The following CLEC3A variants were observed in gnomAD, a reference collection of about 807,000 sequenced individuals.
The protein encoded by CLEC3A is C-type (calcium dependent, carbohydrate-recognition domain) lectin, superfamily member 1 (cartilage-derived).
A neutral mutation model predicts 20.4 loss-of-function variants in CLEC3A; 28 were observed. The observed-to-expected ratio is 1.37, with a 90% CI of 1.02 to 1.88. The LOEUF (loss-of-function observed/expected upper bound fraction) is 1.88, where lower values mean the gene tolerates loss of function less well. Ranked by LOEUF, CLEC3A falls within the 40% of genes most tolerant of loss-of-function variation. The pLI, the probability that CLEC3A is intolerant of heterozygous loss-of-function variation, is 0.00. For missense variants in CLEC3A, 357 were observed against 240.4 expected, an observed-to-expected ratio of 1.48 and a Z score of -3.21; for synonymous variants, 110 against 88.1, an observed-to-expected ratio of 1.25 and a Z score of -1.39.
intron 1 of CLEC3A, 107 bp downstream of exon 1, chr16:78,022,848 C>A: frequency 8.6e-7 from 1 of 1,160,794 alleles, no homozygotes; most frequent in Non-Finnish European, 1.2e-6. Context: ...TCGGTGATGG[C>A]ACCATGCCAT....
chr16:78,028,521 GC>G (rs1359043071), intron 2 of CLEC3A, among the ~76,000 whole-genome samples: 1 of 152,210 alleles, frequency 6.6e-6, no homozygotes, highest in African/African-American at 2.4e-5. Flanking sequence ...ATAGCTAAGT[GC>G]CTATCAGGCC....
Position 78,031,000 on chromosome 16 carries a change from AT to A in CLEC3A, c.*162del, listed in dbSNP as rs1281853459. Reference sequence around the variant, plus strand: ...TAGCATCAGCCAATTTTGCTAACACATTTCTTTGGGATTTTGCCCTTCCTGG... The same window carrying A: ...TAGCATCAGCCAATTTTGCTAACACATTCTTTGGGATTTTGCCCTTCCTGG... On this transcript the variant is annotated 3_prime_UTR_variant, in exon 3 of 3. Transcript: ENST00000299642. 3 of 789,696 alleles carry A rather than the reference AT, an allele frequency of 3.8e-6. No homozygotes were observed. The highest frequency in any genetic ancestry group is 5.8e-6 in the Non-Finnish European group (3 of 518,826). The allele number at this position is 789,696 out of a possible 1,614,324, so 48.9% of individuals were successfully genotyped here.
In CLEC3A at chr16:78,030,575, G is replaced by A. The variant is rs202038528; in HGVS notation, c.328G>A (p.Glu110Lys). The A allele has an allele frequency of 7.4e-6, 12 of 1,614,118 alleles. No homozygotes were observed. In the Admixed American group the frequency reaches 8.3e-5, roughly 11 times the overall value. The change falls in exon 3 of 3, where the codon GAA (glutamate) becomes AAA (lysine). Residue 110 changes from glutamate (E) to lysine (K), a missense_variant. Transcript: ENST00000299642. Reference sequence around the variant, plus strand: ...CCTGGTTATCCCCAGGAACTCCGACGAAATCAACGCCCTCCAAGACTATGG... The same window carrying A: ...CCTGGTTATCCCCAGGAACTCCGACAAAATCAACGCCCTCCAAGACTATGG... ...GILVIPRNSD[E>K]INALQDYGKR... is the part of the protein sequence containing the mutation.
At position 78,030,637 on chromosome 16, in the gene CLEC3A, G is replaced by A; in HGVS notation, c.390G>A (p.Leu130=). Residue 130 remains leucine, a synonymous_variant, in exon 3 of 3, where the codon CTG becomes CTA. Transcript: ENST00000299642. ...TGCCAGGTGTCAATGACTTTTGGCT[G>A]GGCATCAATGACATGGTCACGGAAG... ...RSLPGVNDFW[L]GINDMVTEGK... The A allele has an allele frequency of 6.2e-7, 1 of 1,614,060 alleles. No homozygotes were observed. Among genetic ancestry groups the A allele is most frequent in the Non-Finnish European group, 8.5e-7 (1 of 1,180,012 alleles).
At chr16:78,028,785 G>C (rs959389816) in intron 2 of CLEC3A, among the ~76,000 whole-genome samples, 1 of 152,182 alleles carries the variant, frequency 6.6e-6, no homozygotes, top group Non-Finnish European at 1.5e-5. Flanking sequence ...AAGGTGTTGA[G>C]GTTCCTCACA....
rs2029984214 is a variant in CLEC3A at position 78,028,251 on chromosome 16, T to G, written c.199+61T>G. The stretch of plus-strand genomic sequence containing the variant: ...GGAGACAGGAAAATTTCTGGGTCAA[T>G]TTCTGGGGGACGTCTTTTTAAAAGA... On this transcript the variant is annotated intron_variant, in intron 2 of 2. Coordinates refer to ENST00000299642, the MANE Select transcript of CLEC3A (RefSeq NM_005752.6). The G allele has an allele frequency of 7.3e-6, 9 of 1,236,830 alleles. No homozygotes were observed. In the South Asian group the frequency reaches 1.3e-4, roughly 18 times the overall value. 76.6% of individuals were successfully genotyped at this position (1,236,830 alleles called of 1,614,324 possible).
chr16:78,024,009 G>A (rs530567488), intron 1 of CLEC3A, among the ~76,000 whole-genome samples: 6 of 152,048 alleles, frequency 3.9e-5, no homozygotes, highest in East Asian at 1.9e-4. Context: ...CGTCAGCCTC[G>A]GCCTCCCAAA....
At chr16:78,027,138 A>G (rs2029947783) in intron 1 of CLEC3A, among the ~76,000 whole-genome samples, 2 of 152,220 alleles carry the variant, frequency 1.3e-5, no homozygotes, top group Admixed American at 1.3e-4. Context: ...TCACTAGACA[A>G]TATTATGAAC....
chr16:78,025,173 T>C (rs1036110295), intron 1 of CLEC3A, among the ~76,000 whole-genome samples: 1 of 152,262 alleles, frequency 6.6e-6, no homozygotes, highest in African/African-American at 2.4e-5. Context: ...GAATTGGCTA[T>C]GCAGAATGTT....
At position 78,030,705 on chromosome 16, in the gene CLEC3A, A is replaced by C. The variant is rs1457310091; in HGVS notation, c.458A>C (p.Asn153Thr). Residue 153 changes from asparagine to threonine, a missense_variant, in exon 3 of 3, where the codon AAC (asparagine) becomes ACC (threonine). By Grantham distance (65) the Asn-to-Thr change is moderately conservative. Coordinates refer to ENST00000299642, the MANE Select transcript of CLEC3A (RefSeq NM_005752.6). ...DVNGIAISFLNWDRAQPNGGK... is the reference protein window; with the variant it reads ...DVNGIAISFLTWDRAQPNGGK... Reference sequence around the variant, plus strand: ...AACGGAATCGCTATCTCCTTCCTCAACTGGGACCGTGCACAGCCTAACGGT... The same window carrying C: ...AACGGAATCGCTATCTCCTTCCTCACCTGGGACCGTGCACAGCCTAACGGT... The C allele has an allele frequency of 1.2e-6, 2 of 1,614,122 alleles. No individual in the cohort carries two copies.
chr16:78,028,231 C>A, intron 2 of CLEC3A, 41 bp downstream of exon 2: 9 of 1,436,060 alleles, frequency 6.3e-6, no homozygotes, highest in Non-Finnish European at 8.4e-6. Context: ...CCAAAGGAGA[C>A]AGGAAAATTT....
Position 78,030,710 on chromosome 16 carries a change from G to C in CLEC3A, c.463G>C (p.Asp155His). The part of the protein sequence containing the change: ...NGIAISFLNW[D>H]RAQPNGGKRE... ...AATCGCTATCTCCTTCCTCAACTGG[G>C]ACCGTGCACAGCCTAACGGTGGCAA... Residue 155 changes from aspartate (D) to histidine (H), a missense_variant, in exon 3 of 3, where the codon GAC (aspartate) becomes CAC (histidine). Transcript: ENST00000299642. 1 of 1,614,140 alleles carries C rather than the reference G, an allele frequency of 6.2e-7. No homozygotes were observed. Among genetic ancestry groups the C allele is most frequent in the Middle Eastern group, 1.6e-4 (1 of 6,062 alleles).
rs1238181873 is a variant in CLEC3A, at chr16:78,031,185, A to C, written c.*344A>C. 1 of 187,502 alleles carries C rather than the reference A, an allele frequency of 5.3e-6. No individual in the cohort carries two copies. Among genetic ancestry groups the C allele is most frequent in the Admixed American group, 5.7e-5 (1 of 17,608 alleles). 11.6% of individuals were successfully genotyped at this position (187,502 alleles called of 1,614,324 possible). A position where few individuals can be genotyped will look rare whatever the true frequency, so the allele number is the denominator to read the frequency against. On this transcript the variant is annotated 3_prime_UTR_variant, in exon 3 of 3. Coordinates refer to ENST00000299642, the MANE Select transcript of CLEC3A (RefSeq NM_005752.6). ...TGCAACTCATCACTCTAGAAAAGCA[A>C]GCTTAGGCTACCTGAAAGATTTTCC...
At chr16:78,023,677 G>A (rs957884593) in intron 1 of CLEC3A, among the ~76,000 whole-genome samples, 3 of 152,040 alleles carry the variant, frequency 2.0e-5, no homozygotes, top group Non-Finnish European at 2.9e-5. Flanking sequence ...GGGTAAAAAG[G>A]GGTCTTGTGC....
At position 78,022,729 on chromosome 16, in the gene CLEC3A, C is replaced by T. The variant is rs750807541; in HGVS notation, c.103C>T (p.Arg35Cys). The change falls in exon 1 of 3, where the codon CGT becomes TGT. Residue 35 changes from arginine (R) to cysteine (C), a missense_variant. By Grantham distance (180) the Arg-to-Cys change is radical (BLOSUM62 -3). Transcript: ENST00000299642. ...ATTAAAAGCCAGGAAGCACAGCAAA[C>T]GTCGAGTGAGAGGTAATGGGGCTTC... ...SRLKARKHSKRRVRDKDGDLK... is the reference protein window; with the variant it reads ...SRLKARKHSKCRVRDKDGDLK... 21 of 1,613,994 alleles carry T rather than the reference C, an allele frequency of 1.3e-5. No homozygotes were observed. Among genetic ancestry groups the T allele is most frequent in the Admixed American group, 1.0e-4 (6 of 59,988 alleles).
At chr16:78,030,316 G>C in intron 2 of CLEC3A, 131 bp from the exon 3 acceptor site, 1 of 832,336 alleles carries the variant, frequency 1.2e-6, no homozygotes. Context: ...CCGGCACATA[G>C]AAAATTTTAA....
In CLEC3A at chr16:78,029,237, C is replaced by G. The variant is rs150644547; in HGVS notation, c.199+1047C>G. ...ACTATGGGCTCTGAGGCCTGACTCT[C>G]CAGTGCTACGGCCTAAAACTATCTT... On this transcript the variant is annotated intron_variant, in intron 2 of 2. Transcript: ENST00000299642. The G allele has an allele frequency of 5.8e-4, 243 of 419,344 alleles. 3 individuals are homozygous for G. The highest frequency in any genetic ancestry group is 4.6e-3 in the African/African-American group (225 of 48,622). The allele number at this position is 419,344 out of a possible 1,614,324, so 26.0% of individuals were successfully genotyped here. A position where few individuals can be genotyped will look rare whatever the true frequency, so the allele number is the denominator to read the frequency against.
intron 1 of CLEC3A, among the ~76,000 whole-genome samples, chr16:78,025,015 T>C (rs1436364412): frequency 1.3e-5 from 2 of 152,160 alleles, no homozygotes; most frequent in Admixed American, 6.5e-5. Context: ...ACATCTTTTT[T>C]AGTATAGATG....
chr16:78,029,114 A>T, intron 2 of CLEC3A: 1 of 455,800 alleles, frequency 2.2e-6, no homozygotes, highest in Non-Finnish European at 4.4e-6. Context: ...TATGATCCTA[A>T]TTTTACAGAT....
Sources: gnomAD v4.1 joint callset for allele counts (sites outside exome capture counted in the v4.1 genomes callset) on GRCh38, gnomAD v4.1.1 for gene constraint, MANE v1.5 for transcripts, NCBI Gene and HGNC (gene_info 2026-07-23, HGNC 2026-07-21) for gene names.